ATCAY: variants seen among roughly 807,000 people sequenced by gnomAD.
ATCAY encodes the protein ATCAY kinesin light chain interacting caytaxin, also known as caytaxin.
A neutral mutation model predicts 47.7 loss-of-function variants in ATCAY; 22 were observed. The observed-to-expected ratio is 0.46, with a 90% CI of 0.33 to 0.66. The LOEUF (loss-of-function observed/expected upper bound fraction) is 0.66, where lower values mean the gene tolerates loss of function less well. Ranked by LOEUF, ATCAY falls within the 30% of genes least tolerant of loss-of-function variation. ATCAY has a pLI of 0.02. For synonymous variants in ATCAY, 216 were observed against 207.6 expected, an observed-to-expected ratio of 1.04 and a Z score of -0.35; for missense variants, 452 against 515.0, an observed-to-expected ratio of 0.88 and a Z score of 1.18.
At chr19:3,883,177 C>G (rs1483379195) in intron 1 of ATCAY, among the ~76,000 whole-genome samples, 1 of 151,990 alleles carries the variant, frequency 6.6e-6, no homozygotes, top group African/African-American at 2.4e-5. Flanking sequence ...AGTTCGAGAC[C>G]AGCCTGGCCA....
At chr19:3,908,026 C>T (rs1355633809) in intron 5 of ATCAY, 107 bp downstream of exon 5, 5 of 1,422,772 alleles carry the variant, frequency 3.5e-6, no homozygotes, top group Non-Finnish European at 4.8e-6. Flanking sequence ...AAGCCGTCAA[C>T]TCGCTTCGGG....
intron 2 of ATCAY, among the ~76,000 whole-genome samples, chr19:3,890,358 G>A (rs1391351615): frequency 6.2e-5 from 9 of 144,832 alleles, no homozygotes; most frequent in African/African-American, 2.4e-4. Context: ...CACCTCCCGG[G>A]TTCAAGCAAT....
intron 12 of ATCAY, among the ~76,000 whole-genome samples, chr19:3,923,244 T>A (rs1037412854): frequency 6.6e-6 from 1 of 152,146 alleles, no homozygotes; most frequent in Non-Finnish European, 1.5e-5. Flanking sequence ...TGAGTTCACA[T>A]ATACAGACAG....
chr19:3,894,345 G>C lies in ATCAY; in HGVS notation c.78-8142G>C, dbSNP rs1212562589. ...TAAAAATACAAAAAATTAGCTGGGCGTGGTGGCAGGCGCCTGTAGTCCCAG... is the reference window on the plus strand; with the variant it reads ...TAAAAATACAAAAAATTAGCTGGGCCTGGTGGCAGGCGCCTGTAGTCCCAG... On this transcript the variant is annotated intron_variant, in intron 2 of 12. Transcript: ENST00000450849. Among the ~76,000 whole-genome samples the C allele has an allele frequency of 1.8e-4, 27 of 151,860 alleles. No homozygotes were observed. In the Admixed American group the frequency reaches 1.8e-3, roughly 10 times the overall value.
intron 2 of ATCAY, among the ~76,000 whole-genome samples, chr19:3,886,960 G>A (rs931560328): frequency 1.3e-5 from 2 of 151,902 alleles, no homozygotes; most frequent in Non-Finnish European, 2.9e-5. Context: ...TGGATTCCAG[G>A]CAAGAGCCAC....
At chr19:3,887,751 G>C (rs536060835) in intron 2 of ATCAY, among the ~76,000 whole-genome samples, 2 of 150,230 alleles carry the variant, frequency 1.3e-5, no homozygotes, top group African/African-American at 4.9e-5. Flanking sequence ...CTCCCAAAGT[G>C]CTGGGATTAC....
chr19:3,913,179 C>A (rs985280586), intron 8 of ATCAY, among the ~76,000 whole-genome samples: 2 of 151,842 alleles, frequency 1.3e-5, no homozygotes, highest in African/African-American at 2.4e-5. Flanking sequence ...CCCAGCTACT[C>A]GGGAGGCTGA....
In ATCAY at chr19:3,902,523, C is replaced by T; in HGVS notation, c.114C>T (p.Gly38=). The change falls in exon 3 of 13, where the codon GGC becomes GGT. Residue 38 remains glycine, a synonymous_variant. Transcript: ENST00000450849. ...LPEETGVELL[G]SPVEDTSSPP... ...AAGAGACGGGGGTGGAACTGCTTGGCAGCCCGGTGGAAGACACATCCTGTA... is the reference window on the plus strand; with the variant it reads ...AAGAGACGGGGGTGGAACTGCTTGGTAGCCCGGTGGAAGACACATCCTGTA... 6.3e-7 allele frequency: 1 copy of T among 1,577,518 alleles called. No individual in the cohort carries two copies. Among genetic ancestry groups the T allele is most frequent in the Non-Finnish European group, 8.6e-7 (1 of 1,161,484 alleles).
intron 2 of ATCAY, among the ~76,000 whole-genome samples, chr19:3,891,457 G>T (rs1239137289): frequency 1.3e-5 from 2 of 151,942 alleles, no homozygotes; most frequent in Admixed American, 6.6e-5. Flanking sequence ...CATTCATTCT[G>T]ATGCTATGCG....
At chr19:3,916,828 G>A (rs1568452779) in intron 9 of ATCAY, among the ~76,000 whole-genome samples, 1 of 150,342 alleles carries the variant, frequency 6.7e-6, no homozygotes, top group South Asian at 2.1e-4. Flanking sequence ...TTTTTTTTTA[G>A]ACAGAGTCTC....
rs935485880 is a variant in ATCAY at position 3,924,788 on chromosome 19, C to T, written c.*196C>T. The T allele has an allele frequency of 1.2e-4, 73 of 590,008 alleles. No homozygotes were observed. Among genetic ancestry groups the T allele is most frequent in the African/African-American group, 4.7e-4 (25 of 52,790 alleles). 36.5% of individuals were successfully genotyped at this position (590,008 alleles called of 1,614,324 possible). A position where few individuals can be genotyped will look rare whatever the true frequency, so the allele number is the denominator to read the frequency against. ...AAAACATTGTATTTTTTTTTTTTAA[C>T]GATGCAGTATTTGTGCGTTCCAGAA... On this transcript the variant is annotated 3_prime_UTR_variant, in exon 13 of 13. Coordinates refer to ENST00000450849, the MANE Select transcript of ATCAY (RefSeq NM_033064.5).
intron 9 of ATCAY, among the ~76,000 whole-genome samples, chr19:3,916,876 C>T (rs2038970811): frequency 6.6e-6 from 1 of 151,640 alleles, no homozygotes. Flanking sequence ...GGCGCAATCT[C>T]GGCTCACCAT....
intron 1 of ATCAY, 92 bp from the exon 2 acceptor site, chr19:3,885,635 G>T (rs1599274055): frequency 4.6e-6 from 3 of 647,056 alleles, no homozygotes. Flanking sequence ...GGAGACGGAG[G>T]GGGAGTGGGA....
chr19:3,890,269 TTTTTTTTTTTG>T, intron 2 of ATCAY, among the ~76,000 whole-genome samples: 2 of 133,818 alleles, frequency 1.5e-5, no homozygotes, highest in African/African-American at 5.7e-5. Context: ...TTTTTTTTTT[TTTTTTTTTTTG>T]CAGACAAAGT....
At chr19:3,918,903 G>A (rs1265734289) in intron 11 of ATCAY, 26 bp downstream of exon 11, 7 of 1,613,580 alleles carry the variant, frequency 4.3e-6, no homozygotes, top group Non-Finnish European at 5.9e-6. Context: ...ACCATGGGCA[G>A]AGAGCTGACA....
chr19:3,903,788 G>A (rs2145241268), intron 3 of ATCAY, among the ~76,000 whole-genome samples: 1 of 151,226 alleles, frequency 6.6e-6, no homozygotes, highest in Admixed American at 6.6e-5. Context: ...GCCTCCCAAA[G>A]TGTTGGGATT....
rs56742726 is a variant in ATCAY at position 3,914,235 on chromosome 19, C to CAAAA, written c.965+391_965+394dup. ...TGGGCCACAGAGCGAGACTCCATCGCAAAAAAAAAAAAAAAGGGCTAACGG... is the reference window on the plus strand; with the variant it reads ...TGGGCCACAGAGCGAGACTCCATCGCAAAAAAAAAAAAAAAAAAAGGGCTAACGG... On this transcript the variant is annotated intron_variant, in intron 9 of 12. Coordinates refer to ENST00000450849, the MANE Select transcript of ATCAY (RefSeq NM_033064.5). 1.4e-4 allele frequency among the ~76,000 whole-genome samples: 9 copies of CAAAA among 62,570 alleles called. 2 individuals are homozygous for CAAAA. The highest frequency in any genetic ancestry group is 4.4e-4 in the Admixed American group (2 of 4,542). 41.0% of individuals were successfully genotyped at this position (62,570 alleles called of 152,430 possible). A position where few individuals can be genotyped will look rare whatever the true frequency, so the allele number is the denominator to read the frequency against.
At chr19:3,901,259 C>A (rs777092210) in intron 2 of ATCAY, among the ~76,000 whole-genome samples, 1 of 152,174 alleles carries the variant, frequency 6.6e-6, no homozygotes, top group Non-Finnish European at 1.5e-5. Flanking sequence ...TTCTTCTGCA[C>A]AAGAAATGTG....
At chr19:3,921,059 C>A (rs2039014500) in intron 12 of ATCAY, among the ~76,000 whole-genome samples, 1 of 152,068 alleles carries the variant, frequency 6.6e-6, no homozygotes, top group African/African-American at 2.4e-5. Context: ...TTACCTAGAC[C>A]AGGATGCAAA....
Sources: allele counts gnomAD v4.1 joint callset (sites outside exome capture counted in the v4.1 genomes callset), GRCh38; gene constraint gnomAD v4.1.1; transcripts MANE v1.5; gene names NCBI Gene and HGNC (gene_info 2026-07-23, HGNC 2026-07-21).